Variants in NAALADL2 observed in about 807,000 individuals in gnomAD.
The protein encoded by NAALADL2 is N-acetylated alpha-linked acidic dipeptidase like 2.
Under a neutral mutation model 87.2 loss-of-function variants are expected in NAALADL2, and 76 were observed. That is an observed-to-expected ratio of 0.87 (90% confidence interval 0.72 to 1.05). The LOEUF (loss-of-function observed/expected upper bound fraction) is 1.05, where lower values mean the gene tolerates loss of function less well. Ranked by LOEUF, NAALADL2 falls within the 50% of genes least tolerant of loss-of-function variation. The pLI is 0.00. For missense variants in NAALADL2, 1,089 were observed against 945.8 expected (o/e 1.15, Z -1.99); for synonymous variants, 354 against 331.0 (o/e 1.07, Z -0.75).
At chr3:175,667,235 GAAAGAAAAAGAAAGAAAGAAAGA>G (rs1733260635) in intron 11 of NAALADL2, among the ~76,000 whole-genome samples, 199 of 112,628 alleles carry the variant, frequency 1.8e-3, no homozygotes, top group African/African-American at 7.8e-3. Context: ...AAGAAAGAAA[GAAAGAAAAAGAAAGAAAGAAAGA>G]AAGAAAGGAA....
At chr3:174,528,763 G>C (rs1196379401) in intron 1 of NAALADL2, among the ~76,000 whole-genome samples, 1 of 152,182 alleles carries the variant, frequency 6.6e-6, no homozygotes, top group Non-Finnish European at 1.5e-5. Flanking sequence ...TAAGAGAAGA[G>C]AGCTTGTGCA....
intron 1 of NAALADL2, among the ~76,000 whole-genome samples, chr3:174,946,430 T>A (rs940830950): frequency 6.6e-6 from 1 of 152,250 alleles, no homozygotes; most frequent in Admixed American, 6.5e-5. Flanking sequence ...CAAAGTGTAA[T>A]GTTTATGTCA....
chr3:174,967,182 G>A (rs757442440), intron 1 of NAALADL2, among the ~76,000 whole-genome samples: 11 of 152,010 alleles, frequency 7.2e-5, no homozygotes, highest in Non-Finnish European at 1.6e-4. Context: ...AAAGCTCTCT[G>A]ATGATTCTGA....
At position 175,457,854 on chromosome 3, in the gene NAALADL2, A is replaced by G. The variant is rs558139053; in HGVS notation, c.1235-5547A>G. On this transcript the variant is annotated intron_variant, in intron 6 of 13. Coordinates refer to ENST00000454872, the MANE Select transcript of NAALADL2 (RefSeq NM_207015.3). ...ACTTATTAGTTGAAATTCCACTGTA[A>G]AGAAGAGATTTTTCCTTTTTTCTAT... 2.8e-5 allele frequency among the ~76,000 whole-genome samples: 4 copies of G among 144,548 alleles called. No individual in the cohort carries two copies. In the South Asian group the frequency reaches 8.3e-4, roughly 30 times the overall value. The allele number at this position is 144,548 out of a possible 152,430, so 94.8% of individuals were successfully genotyped here.
chr3:174,724,796 T>C (rs1231417541), intron 2 of NAALADL2, among the ~76,000 whole-genome samples: 4 of 152,240 alleles, frequency 2.6e-5, no homozygotes, highest in African/African-American at 7.2e-5. Context: ...AAATTTCCAC[T>C]ATTAGATCTG....
At chr3:174,885,877 T>TGAGTTG (rs1730052956) in intron 1 of NAALADL2, among the ~76,000 whole-genome samples, 1 of 3,150 alleles carries the variant, frequency 3.2e-4, no homozygotes, top group Non-Finnish European at 7.5e-4. Context: ...GTCCGAGTTG[T>TGAGTTG]TTTTTTTTTT....
At chr3:175,662,931 G>C (rs1331737832) in intron 11 of NAALADL2, among the ~76,000 whole-genome samples, 4 of 151,480 alleles carry the variant, frequency 2.6e-5, no homozygotes, top group Admixed American at 2.0e-4. Context: ...TTTCTTCAGG[G>C]ATATTGGCCT....
rs376083500 is a variant in NAALADL2, at chr3:174,870,153, A to C, written c.43+10703A>C. Among the ~76,000 whole-genome samples, 4 of 151,908 alleles carry C rather than the reference A, an allele frequency of 2.6e-5. No homozygotes were observed. The East Asian group carries it at 7.8e-4, about 29-fold the overall frequency. On this transcript the variant is annotated intron_variant, in intron 1 of 13. Transcript: ENST00000454872. ...ATCAGCATGTTTGCATTTTAGGTAG[A>C]GATTGTTATTCTGGAATATTTATTC...
intron 5 of NAALADL2, among the ~76,000 whole-genome samples, chr3:175,373,429 T>C (rs548082820): frequency 6.6e-6 from 1 of 152,254 alleles, no homozygotes; most frequent in Non-Finnish European, 1.5e-5. Flanking sequence ...ATATGTCCTG[T>C]AGTAATATGC....
chr3:174,517,333 C>T (rs375800902), intron 1 of NAALADL2, among the ~76,000 whole-genome samples: 15 of 151,984 alleles, frequency 9.9e-5, no homozygotes, highest in African/African-American at 2.7e-4. Context: ...AATTGGAGTG[C>T]TTTCAGAACA....
intron 1 of NAALADL2, among the ~76,000 whole-genome samples, chr3:174,898,865 A>G (rs1041936314): frequency 5.3e-5 from 8 of 152,208 alleles, no homozygotes; most frequent in Non-Finnish European, 1.5e-5. Context: ...AGTGATTAAG[A>G]GAGCACAGAG....
intron 5 of NAALADL2, among the ~76,000 whole-genome samples, chr3:175,330,324 G>T (rs1334897601): frequency 2.6e-4 from 40 of 152,002 alleles, no homozygotes; most frequent in Non-Finnish European, 4.4e-5. Context: ...GATGCCTTTG[G>T]TCCCAGCTAC....
At chr3:175,136,244 A>G (rs1240645894) in intron 2 of NAALADL2, among the ~76,000 whole-genome samples, 1 of 152,186 alleles carries the variant, frequency 6.6e-6, no homozygotes, top group African/African-American at 2.4e-5. Flanking sequence ...CTGAGACAGG[A>G]CATAAGTCAG....
At chr3:175,409,405 T>A (rs1713040796) in intron 5 of NAALADL2, among the ~76,000 whole-genome samples, 1 of 151,978 alleles carries the variant, frequency 6.6e-6, no homozygotes, top group Admixed American at 6.6e-5. Flanking sequence ...TCTTTAGTCA[T>A]CATTTTGAGT....
At chr3:174,567,253 A>G (rs1714394843) in intron 2 of NAALADL2, among the ~76,000 whole-genome samples, 1 of 151,662 alleles carries the variant, frequency 6.6e-6, no homozygotes, top group Non-Finnish European at 1.5e-5. Flanking sequence ...TATAATGTGT[A>G]CATATATACA....
intron 5 of NAALADL2, among the ~76,000 whole-genome samples, chr3:175,346,918 C>T (rs1300597408): frequency 6.6e-6 from 1 of 152,106 alleles, no homozygotes; most frequent in Non-Finnish European, 1.5e-5. Flanking sequence ...TAACAGTAAT[C>T]ATTTATTGAG....
chr3:175,148,763 T>C (rs1295880684), intron 2 of NAALADL2, among the ~76,000 whole-genome samples: 1 of 152,138 alleles, frequency 6.6e-6, no homozygotes, highest in Non-Finnish European at 1.5e-5. Context: ...AGTGTACAGT[T>C]TTATTTATGG....
chr3:174,812,201 C>A (rs568670913), intron 3 of NAALADL2, among the ~76,000 whole-genome samples: 1 of 152,126 alleles, frequency 6.6e-6, no homozygotes, highest in African/African-American at 2.4e-5. Flanking sequence ...TGTTCTGAAC[C>A]ATATTTCATG....
At chr3:175,052,534 A>T (rs1580203894) in intron 1 of NAALADL2, among the ~76,000 whole-genome samples, 1 of 152,204 alleles carries the variant, frequency 6.6e-6, no homozygotes, top group South Asian at 2.1e-4. Context: ...AATCACAATC[A>T]TCATTGAAAT....
Sources: gnomAD v4.1 joint callset for allele counts (sites outside exome capture counted in the v4.1 genomes callset) on GRCh38, gnomAD v4.1.1 for gene constraint, MANE v1.5 for transcripts, NCBI Gene and HGNC (gene_info 2026-07-23, HGNC 2026-07-21) for gene names.